Variants in STX5 observed in about 807,000 individuals in gnomAD.
STX5 encodes the protein syntaxin 5, also known as syntaxin-5.
STX5 carries 15 observed loss-of-function variants against 42.9 expected under a neutral mutation model. The observed-to-expected ratio is 0.35, with a 90% CI of 0.23 to 0.54. The LOEUF (loss-of-function observed/expected upper bound fraction) is 0.54, where lower values mean the gene tolerates loss of function less well. Among genes scored for constraint, STX5 ranks in the 20% least tolerant of loss-of-function variants. The probability of loss-of-function intolerance (pLI) is 0.91; values close to 1 mark genes in which losing one functional copy is unlikely to be tolerated. For synonymous variants in STX5, 184 were observed against 173.2 expected, an observed-to-expected ratio of 1.06 and a Z score of -0.49; for missense variants, 430 against 455.0, an observed-to-expected ratio of 0.95 and a Z score of 0.50.
At chr11:62,827,985 T>G (rs1357961377) in intron 2 of STX5, among the ~76,000 whole-genome samples, 1 of 150,718 alleles carries the variant, frequency 6.6e-6, no homozygotes, top group East Asian at 1.9e-4. Context: ...TGGTACATAG[T>G]AAGCACTAAA....
intron 7 of STX5, 50 bp from the exon 8 acceptor site, chr11:62,825,167 A>T (rs764194542): frequency 2.5e-6 from 4 of 1,612,104 alleles, no homozygotes; most frequent in Non-Finnish European, 2.5e-6. Context: ...GAAAGCAGGC[A>T]TGTTAAAGAG....
chr11:62,816,781 T>C (rs1410212895), intron 10 of STX5, among the ~76,000 whole-genome samples: 2 of 145,490 alleles, frequency 1.4e-5, no homozygotes, highest in Non-Finnish European at 3.0e-5. Context: ...GGTACGTGAC[T>C]GTACTCGGGA....
At chr11:62,828,450 G>C (rs769585059) in intron 2 of STX5, among the ~76,000 whole-genome samples, 2 of 152,156 alleles carry the variant, frequency 1.3e-5, no homozygotes, top group Non-Finnish European at 2.9e-5. Flanking sequence ...TACTCGGCCG[G>C]GTGCAGTGGC....
At chr11:62,809,726 G>A (rs11605108) in intron 10 of STX5, among the ~76,000 whole-genome samples, 2 of 131,978 alleles carry the variant, frequency 1.5e-5, no homozygotes, top group African/African-American at 2.8e-5. Context: ...CTGTTCAGGA[G>A]AATGCCTTAT....
intron 10 of STX5, among the ~76,000 whole-genome samples, chr11:62,817,825 C>T (rs1474966875): frequency 6.6e-6 from 1 of 151,900 alleles, no homozygotes; most frequent in Non-Finnish European, 1.5e-5. Flanking sequence ...TGAAAATATA[C>T]ATAAAATAAA....
At chr11:62,819,170 G>A (rs1326807407) in intron 10 of STX5, among the ~76,000 whole-genome samples, 1 of 115,812 alleles carries the variant, frequency 8.6e-6, no homozygotes, top group African/African-American at 3.3e-5. Context: ...GCAGTAAGCC[G>A]AGATCGTGCC....
In STX5 at chr11:62,827,378, C is replaced by CTAAG; in HGVS notation, c.313_316dup (p.Ser106ThrfsTer2). The CTAAG allele has an allele frequency of 6.2e-7, 1 of 1,614,200 alleles. No individual in the cohort carries two copies. The highest frequency in any genetic ancestry group is 1.1e-5 in the South Asian group (1 of 91,086). Reference sequence around the variant, plus strand: ...CTTCTCCAGCTTGGCAAATGTGTTGCTAAGGTCTTTCCCAATGCGCCTGCA... The same window carrying CTAAG: ...CTTCTCCAGCTTGGCAAATGTGTTGCTAAGTAAGGTCTTTCCCAATGCGCCTGCA... On this transcript the variant is annotated stop_gained and frameshift_variant, in exon 4 of 11. Transcript: ENST00000294179. LOFTEE classifies it high-confidence loss of function.
intron 10 of STX5, among the ~76,000 whole-genome samples, chr11:62,819,325 TGAAA>T (rs1262199029): frequency 7.4e-6 from 1 of 134,540 alleles, no homozygotes; most frequent in Non-Finnish European, 1.6e-5. Context: ...GAAAGAAAAC[TGAAA>T]GAAATTGTTG....
chr11:62,817,758 T>C (rs2084691124), intron 10 of STX5, among the ~76,000 whole-genome samples: 1 of 152,072 alleles, frequency 6.6e-6, no homozygotes, highest in Non-Finnish European at 1.5e-5. Flanking sequence ...AAGTGTAAAT[T>C]TGAAACTGAA....
chr11:62,808,469 G>A lies in STX5; in HGVS notation c.909-841C>T, dbSNP rs141093833. Among the ~76,000 whole-genome samples the A allele has an allele frequency of 1.5e-3, 228 of 151,340 alleles. 1 individual carries two copies. Among genetic ancestry groups the A allele is most frequent in the African/African-American group, 5.3e-3 (220 of 41,302 alleles). ...AAAAACACCAAAAAAAAAGGTATAT[G>A]GACCCTAGTTTTGGCCAGGCTGTAA... On this transcript the variant is annotated intron_variant, in intron 10 of 10. Transcript: ENST00000294179.
chr11:62,817,075 G>A (rs981914374), intron 10 of STX5, among the ~76,000 whole-genome samples: 15 of 151,698 alleles, frequency 9.9e-5, no homozygotes, highest in African/African-American at 3.1e-4. Flanking sequence ...ACAGGCACAC[G>A]CCACCATGCC....
chr11:62,824,530 C>A lies in STX5; in HGVS notation c.715G>T (p.Ala239Ser). ...ATGTCGATGGCGACATCCTTGGAGG[C>A]ATGGGACTCTGCCCCCAGAACCACA... ...GAVVLGAESH[A>S]SKDVAIDMMD... The change falls in exon 9 of 11, where the codon GCC (alanine) becomes TCC (serine). Residue 239 changes from alanine (A) to serine (S), a missense_variant. Ala to Ser is a moderately conservative substitution (Grantham distance 99, BLOSUM62 1). Coordinates refer to ENST00000294179, the MANE Select transcript of STX5 (RefSeq NM_003164.5). The A allele has an allele frequency of 6.2e-7, 1 of 1,614,194 alleles. No individual in the cohort carries two copies. The highest frequency in any genetic ancestry group is 2.2e-5 in the East Asian group (1 of 44,882).
intron 10 of STX5, among the ~76,000 whole-genome samples, chr11:62,808,558 G>C (rs2084579457): frequency 6.6e-6 from 1 of 152,044 alleles, no homozygotes; most frequent in Non-Finnish European, 1.5e-5. Flanking sequence ...AGACCAGCTT[G>C]AACAACATGG....
At chr11:62,807,985 C>T in intron 10 of STX5, 1 of 230,286 alleles carries the variant, frequency 4.3e-6, no homozygotes, top group Non-Finnish European at 8.7e-6. Context: ...TACAATTTTT[C>T]CTCATCAGTA....
intron 10 of STX5, among the ~76,000 whole-genome samples, chr11:62,815,476 A>T (rs186842288): frequency 6.6e-6 from 1 of 151,984 alleles, no homozygotes; most frequent in African/African-American, 2.4e-5. Context: ...TGTGACACTC[A>T]CTGAATAATA....
At chr11:62,818,983 G>T (rs2134831007) in intron 10 of STX5, among the ~76,000 whole-genome samples, 1 of 152,120 alleles carries the variant, frequency 6.6e-6, no homozygotes, top group East Asian at 1.9e-4. Context: ...ACTTTGGGAG[G>T]CCGAGGCAGG....
intron 1 of STX5, among the ~76,000 whole-genome samples, chr11:62,831,684 A>T (rs895315450): frequency 6.6e-6 from 1 of 151,736 alleles, no homozygotes; most frequent in Non-Finnish European, 1.5e-5. Flanking sequence ...GAGGGGGAAA[A>T]CCTCTGGGTG....
At position 62,827,406 on chromosome 11, in the gene STX5, T is replaced by A; in HGVS notation, c.297-8A>T. The A allele has an allele frequency of 6.2e-7, 1 of 1,614,196 alleles. No individual in the cohort carries two copies. Among genetic ancestry groups the A allele is most frequent in the East Asian group, 2.2e-5 (1 of 44,888 alleles). The stretch of plus-strand genomic sequence containing the variant: ...AGGTCTTTCCCAATGCGCCTGCAAA[T>A]GACCACTAGTCAGACTGTGGGAAAG... On this transcript the variant is annotated splice_polypyrimidine_tract_variant and splice_region_variant and intron_variant, in intron 3 of 10. Coordinates refer to ENST00000294179, the MANE Select transcript of STX5 (RefSeq NM_003164.5).
intron 4 of STX5, 56 bp from the exon 5 acceptor site, chr11:62,827,281 A>G: frequency 6.2e-7 from 1 of 1,613,508 alleles, no homozygotes; most frequent in Non-Finnish European, 8.5e-7. Context: ...AGCTCAGGGA[A>G]TATAGTCCTC....
Sources: allele counts gnomAD v4.1 joint callset (sites outside exome capture counted in the v4.1 genomes callset), GRCh38; gene constraint gnomAD v4.1.1; transcripts MANE v1.5; gene names NCBI Gene and HGNC (gene_info 2026-07-23, HGNC 2026-07-21).